Variants in RANBP2 observed in about 807,000 individuals in gnomAD.
The protein encoded by RANBP2 is E3 SUMO-protein ligase RanBP2.
Under a neutral mutation model 303.6 loss-of-function variants are expected in RANBP2, and 57 were observed. That is an observed-to-expected ratio of 0.19 (90% CI 0.15 to 0.23). The LOEUF (loss-of-function observed/expected upper bound fraction) is 0.23. RANBP2 is among the 10% of genes least tolerant of loss of function. RANBP2 has a pLI of 1.00. For missense variants in RANBP2, 3,138 were observed against 3,780.8 expected, an observed-to-expected ratio of 0.83 and a Z score of 4.46; for synonymous variants, 1,167 against 1,301.5, an observed-to-expected ratio of 0.90 and a Z score of 2.23.
chr2:109,612,789 C>T, the RANBP2 span, among the ~76,000 whole-genome samples: 16 of 152,040 alleles, frequency 1.1e-4, no homozygotes, highest in African/African-American at 3.6e-4. Flanking sequence ...TTAAAAAATA[C>T]GCGATAGAAT....
At chr2:109,280,866 C>T in the RANBP2 span, among the ~76,000 whole-genome samples, 1 of 152,154 alleles carries the variant, frequency 6.6e-6, no homozygotes, top group Non-Finnish European at 1.5e-5. Context: ...TATTGCATAC[C>T]GTGTCTAATA....
At chr2:109,608,836 A>T in the RANBP2 span, among the ~76,000 whole-genome samples, 68 of 152,364 alleles carry the variant, frequency 4.5e-4, no homozygotes, top group East Asian at 0.013. Flanking sequence ...TTATCAGAAG[A>T]AAGTGTAAGA....
At chr2:108,725,699 G>A (rs932694888) in intron 1 of RANBP2, among the ~76,000 whole-genome samples, 3 of 151,964 alleles carry the variant, frequency 2.0e-5, no homozygotes, top group African/African-American at 4.8e-5. Flanking sequence ...CCACTGCACT[G>A]CAGCCTGGCG....
At chr2:109,017,811 A>G in the RANBP2 span, among the ~76,000 whole-genome samples, 56 of 152,296 alleles carry the variant, frequency 3.7e-4, 1 homozygote, top group Admixed American at 6.5e-4. Flanking sequence ...ATCAGTTCTT[A>G]GGAGCAGAGA....
At chr2:108,741,488 G>A (rs1289431969) in intron 7 of RANBP2, among the ~76,000 whole-genome samples, 55 of 117,054 alleles carry the variant, frequency 4.7e-4, no homozygotes, top group African/African-American at 1.2e-3. Context: ...AAGCCACTGC[G>A]CCTGGCCTTT....
At chr2:108,917,435 A>G in the RANBP2 span, among the ~76,000 whole-genome samples, 6 of 152,330 alleles carry the variant, frequency 3.9e-5, no homozygotes, top group Admixed American at 3.9e-4. Flanking sequence ...CAAAGAAGTG[A>G]TAAACGTTTG....
chr2:109,457,182 T>C, the RANBP2 span, among the ~76,000 whole-genome samples: 1 of 152,206 alleles, frequency 6.6e-6, no homozygotes, highest in African/African-American at 2.4e-5. Flanking sequence ...ATGCATAACA[T>C]AGTATTTAGA....
intron 7 of RANBP2, 35 bp from the exon 8 acceptor site, chr2:108,746,676 C>T (rs1696544996): frequency 2.2e-6 from 2 of 901,522 alleles, no homozygotes; most frequent in Non-Finnish European, 3.3e-6. Context: ...GTATGGGTAT[C>T]ATCAAATTAA....
chr2:109,151,785 C>T, the RANBP2 span, among the ~76,000 whole-genome samples: 184 of 152,348 alleles, frequency 1.2e-3, no homozygotes, highest in African/African-American at 4.2e-3. Context: ...GGCACCAGTG[C>T]ACTTTTTATG....
chr2:108,996,462 T>C, the RANBP2 span, among the ~76,000 whole-genome samples: 8 of 152,280 alleles, frequency 5.3e-5, 1 homozygote, highest in East Asian at 1.2e-3. Flanking sequence ...AGGCTCCAGA[T>C]AGGTGAGTGG....
chr2:108,761,265 T>G (rs1178541664), intron 18 of RANBP2, among the ~76,000 whole-genome samples: 2 of 150,838 alleles, frequency 1.3e-5, no homozygotes, highest in African/African-American at 4.9e-5. Flanking sequence ...CTCACCTCTG[T>G]AAGGTTTCCA....
At chr2:109,133,734 T>G in the RANBP2 span, among the ~76,000 whole-genome samples, 2 of 152,074 alleles carry the variant, frequency 1.3e-5, no homozygotes, top group Non-Finnish European at 2.9e-5. Flanking sequence ...TTTTTTTTTT[T>G]TTTTTTTGCA....
At chr2:109,143,071 C>T in the RANBP2 span, among the ~76,000 whole-genome samples, 6 of 152,076 alleles carry the variant, frequency 3.9e-5, no homozygotes, top group African/African-American at 1.2e-4. Flanking sequence ...TCCCTGAGCC[C>T]GGGAACCCAG....
At chr2:109,416,336 T>G in the RANBP2 span, among the ~76,000 whole-genome samples, 1 of 151,998 alleles carries the variant, frequency 6.6e-6, no homozygotes, top group Non-Finnish European at 1.5e-5. Flanking sequence ...GGCTCATGCC[T>G]GTAATCCCAG....
At chr2:108,841,166 G>T in the RANBP2 span, among the ~76,000 whole-genome samples, 7 of 152,054 alleles carry the variant, frequency 4.6e-5, no homozygotes, top group Non-Finnish European at 7.4e-5. Context: ...AGTTTGTTGT[G>T]TTTCTGTTAC....
the RANBP2 span, chr2:109,419,683 G>A: frequency 6.5e-7 from 1 of 1,535,886 alleles, no homozygotes; most frequent in East Asian, 2.4e-5. Context: ...TGTGCCTGCA[G>A]CCCTCCCTCC....
chr2:108,752,638 A>C (rs1215577301), intron 12 of RANBP2, among the ~76,000 whole-genome samples: 1 of 111,782 alleles, frequency 8.9e-6, no homozygotes, highest in Non-Finnish European at 1.7e-5. Context: ...AAAAAAAAAG[A>C]AAAAATTAGC....
the RANBP2 span, among the ~76,000 whole-genome samples, chr2:109,591,400 G>A: frequency 6.6e-6 from 1 of 152,168 alleles, no homozygotes; most frequent in Admixed American, 6.5e-5. Context: ...CAGGGAAAAA[G>A]AAACCAAGCA....
the RANBP2 span, among the ~76,000 whole-genome samples, chr2:109,445,142 C>T: frequency 4.6e-5 from 7 of 152,118 alleles, no homozygotes; most frequent in African/African-American, 1.7e-4. Context: ...ATCCAGAATA[C>T]AGAGCAGAGA....
Sources: allele counts gnomAD v4.1 joint callset (sites outside exome capture counted in the v4.1 genomes callset), GRCh38; gene constraint gnomAD v4.1.1; transcripts MANE v1.5; gene names NCBI Gene and HGNC (gene_info 2026-07-23, HGNC 2026-07-21).